LIPJ: variants seen among roughly 807,000 people sequenced by gnomAD.
LIPJ encodes the protein lipase family member J.
LIPJ carries 33 observed loss-of-function variants against 39.8 expected under a neutral mutation model. The ratio of observed to expected loss-of-function variants is 0.83; its 90% CI spans 0.63 to 1.11. The LOEUF (loss-of-function observed/expected upper bound fraction) is 1.11. Ranked by LOEUF, LIPJ falls within the 50% of genes least tolerant of loss-of-function variation. LIPJ has a pLI of 0.00. For missense variants in LIPJ, 422 were observed against 427.9 expected (o/e 0.99, Z 0.12); for synonymous variants, 128 against 139.2 (o/e 0.92, Z 0.57).
chr10:88,597,084 A>T, intron 8 of LIPJ, 148 bp downstream of exon 8: 1 of 505,086 alleles, frequency 2.0e-6, no homozygotes. Context: ...TTTTATGACT[A>T]CACCAACATT....
At chr10:88,596,875 A>G in exon 8 of LIPJ, 1 of 1,597,304 alleles carries the variant, frequency 6.3e-7, no homozygotes, top group Non-Finnish European at 8.6e-7. Flanking sequence ...CAGATTTTTG[A>G]TAAGATTTGC....
intron 9 of LIPJ, among the ~76,000 whole-genome samples, chr10:88,605,332 G>A (rs1851625539): frequency 6.6e-6 from 1 of 152,176 alleles, no homozygotes; most frequent in Non-Finnish European, 1.5e-5. Context: ...TGAAGCTGAA[G>A]ATTTGAGGGA....
At chr10:88,616,203 T>C in the LIPJ span, among the ~76,000 whole-genome samples, 1 of 152,170 alleles carries the variant, frequency 6.6e-6, no homozygotes, top group Admixed American at 6.5e-5. Context: ...AAAACTAGAA[T>C]TTTATTTCCA....
intron 9 of LIPJ, among the ~76,000 whole-genome samples, chr10:88,605,069 G>A (rs1018853675): frequency 1.3e-5 from 2 of 152,164 alleles, no homozygotes; most frequent in Non-Finnish European, 2.9e-5. Flanking sequence ...TCAAGGATGA[G>A]GGAATGAACA....
the LIPJ span, among the ~76,000 whole-genome samples, chr10:88,622,795 C>T: frequency 6.6e-6 from 1 of 151,986 alleles, no homozygotes; most frequent in African/African-American, 2.4e-5. Context: ...GAGCTTAGAG[C>T]AAAGAGGGAC....
chr10:88,605,787 C>A, intron 10 of LIPJ, 83 bp downstream of exon 10: 1 of 818,962 alleles, frequency 1.2e-6, no homozygotes. Flanking sequence ...ACTGTAAATC[C>A]CCACAGTACA....
At chr10:88,595,262 T>C (rs748454391) in intron 6 of LIPJ, among the ~76,000 whole-genome samples, 1 of 151,744 alleles carries the variant, frequency 6.6e-6, no homozygotes, top group Non-Finnish European at 1.5e-5. Flanking sequence ...TAATCAGAAC[T>C]CTAATGCCTA....
chr10:88,606,687 T>A lies in LIPJ; in HGVS notation c.881T>A (p.Leu294Ter). Residue 294 changes from leucine to a stop codon, truncating the protein, a stop_gained, in exon 11 of 11, where the codon TTA (leucine) becomes TAA (stop). Transcript: ENST00000371939. LOFTEE classifies it low-confidence loss of function (END_TRUNC). The stretch of plus-strand genomic sequence containing the variant: ...ATTTATTTTCAGACAACGTCTCCAT[T>A]ATACAACATGACAAACATGAATGTG... The A allele has an allele frequency of 6.2e-7, 1 of 1,609,932 alleles. No homozygotes were observed. The highest frequency in any genetic ancestry group is 8.5e-7 in the Non-Finnish European group (1 of 1,176,620).
chr10:88,583,440 T>C, upstream of LIPJ: 1 of 1,338,274 alleles, frequency 7.5e-7, no homozygotes, highest in Non-Finnish European at 9.6e-7. Flanking sequence ...CTTCTCGCTT[T>C]GGGGGCCGGG....
At chr10:88,598,655 T>G (rs1335487869) in intron 8 of LIPJ, among the ~76,000 whole-genome samples, 5 of 151,846 alleles carry the variant, frequency 3.3e-5, no homozygotes, top group African/African-American at 1.2e-4. Context: ...TGCTCACAGA[T>G]AGGCCTGACA....
At chr10:88,602,936 A>G (rs1349994930) in intron 9 of LIPJ, among the ~76,000 whole-genome samples, 2 of 152,106 alleles carry the variant, frequency 1.3e-5, no homozygotes, top group Non-Finnish European at 2.9e-5. Flanking sequence ...TACTAAAAAT[A>G]CAAAAATTAG....
intron 6 of LIPJ, 143 bp from the exon 7 acceptor site, chr10:88,596,137 A>C: frequency 1.8e-6 from 1 of 554,070 alleles, no homozygotes; most frequent in Non-Finnish European, 2.8e-6. Context: ...GGTGATTTAA[A>C]AATGTTTGAT....
At chr10:88,606,825 A>G (rs768983443) in exon 11 of LIPJ, 2 of 1,611,802 alleles carry the variant, frequency 1.2e-6, no homozygotes, top group African/African-American at 2.7e-5. Flanking sequence ...TCTTACTACA[A>G]TCATATAGAC....
At chr10:88,610,555 A>T (rs935600721), downstream of LIPJ, among the ~76,000 whole-genome samples, 1 of 152,160 alleles carries the variant, frequency 6.6e-6, no homozygotes, top group African/African-American at 2.4e-5. Context: ...TTGTTATATT[A>T]ATTCTAAAAT....
intron 4 of LIPJ, chr10:88,593,658 G>A (rs1338772999): frequency 4.2e-6 from 1 of 235,568 alleles, no homozygotes; most frequent in African/African-American, 2.3e-5. Flanking sequence ...GTGTATGAGT[G>A]CTTGAATTAC....
At chr10:88,594,576 T>G in intron 5 of LIPJ, 91 bp from the exon 6 acceptor site, 1 of 554,610 alleles carries the variant, frequency 1.8e-6, no homozygotes, top group East Asian at 3.1e-5. Flanking sequence ...GAGTAGAAAA[T>G]TGCCTTTATT....
chr10:88,617,578 G>C, the LIPJ span, among the ~76,000 whole-genome samples: 5 of 152,250 alleles, frequency 3.3e-5, no homozygotes, highest in Non-Finnish European at 7.4e-5. Context: ...GTGAAGAGGA[G>C]AGAATACATG....
chr10:88,622,538 C>T, the LIPJ span, among the ~76,000 whole-genome samples: 2 of 152,066 alleles, frequency 1.3e-5, no homozygotes, highest in Non-Finnish European at 2.9e-5. Context: ...CAGGTGGGCT[C>T]GAGAATTTGC....
At chr10:88,599,226 C>T (rs1313623679) in intron 8 of LIPJ, among the ~76,000 whole-genome samples, 1 of 151,616 alleles carries the variant, frequency 6.6e-6, no homozygotes, top group Non-Finnish European at 1.5e-5. Context: ...ATAATTGCCA[C>T]AATCAAGTTT....
Sources: gnomAD v4.1 joint callset for allele counts (sites outside exome capture counted in the v4.1 genomes callset) on GRCh38, gnomAD v4.1.1 for gene constraint, MANE v1.5 for transcripts, NCBI Gene and HGNC (gene_info 2026-07-23, HGNC 2026-07-21) for gene names.